The following FAF1 variants were observed in gnomAD, a reference collection of about 807,000 sequenced individuals.
FAF1 encodes the protein FAS-associated factor 1.
FAF1 carries 25 observed loss-of-function variants against 92.5 expected under a neutral mutation model. That is an observed-to-expected ratio of 0.27 (90% CI 0.20 to 0.38). The LOEUF is 0.38. Among genes scored for constraint, FAF1 ranks in the 10% least tolerant of loss-of-function variants. The pLI, the probability that FAF1 is intolerant of heterozygous loss-of-function variation, is 1.00. For missense variants in FAF1, 636 were observed against 793.3 expected (o/e 0.80, Z 2.38); for synonymous variants, 234 against 273.2 (o/e 0.86, Z 1.42).
chr1:50,614,918 T>C (rs190060547), intron 8 of FAF1, among the ~76,000 whole-genome samples: 16 of 152,298 alleles, frequency 1.1e-4, no homozygotes, highest in African/African-American at 3.8e-4. Context: ...TTTATTTTTA[T>C]TTTTTAAATT....
chr1:50,501,220 G>A (rs1346290100), intron 15 of FAF1, among the ~76,000 whole-genome samples: 1 of 152,140 alleles, frequency 6.6e-6, no homozygotes, highest in Non-Finnish European at 1.5e-5. Context: ...ATTTTAAAAT[G>A]GAGAAAAGAT....
intron 17 of FAF1, 100 bp downstream of exon 17, chr1:50,490,488 A>AG (rs1490068758): frequency 3.2e-6 from 2 of 628,078 alleles, no homozygotes; most frequent in African/African-American, 4.3e-5. Flanking sequence ...GAAGGAAGGA[A>AG]GGAAAGGAAG....
At chr1:50,539,324 A>G (rs1384819922) in intron 14 of FAF1, among the ~76,000 whole-genome samples, 3 of 152,260 alleles carry the variant, frequency 2.0e-5, no homozygotes, top group Admixed American at 6.5e-5. Flanking sequence ...CCTAATTGAT[A>G]GATTATACAA....
At chr1:50,833,208 C>G (rs1275119263) in intron 2 of FAF1, among the ~76,000 whole-genome samples, 1 of 152,148 alleles carries the variant, frequency 6.6e-6, no homozygotes, top group Non-Finnish European at 1.5e-5. Context: ...ATTAGGTCCC[C>G]TGGTTACCCA....
chr1:50,884,863 T>C (rs1224989318), intron 1 of FAF1, among the ~76,000 whole-genome samples: 1 of 152,166 alleles, frequency 6.6e-6, no homozygotes, highest in Admixed American at 6.5e-5. Flanking sequence ...CTTCTTTATG[T>C]ATATAGTAGA....
intron 1 of FAF1, among the ~76,000 whole-genome samples, chr1:50,909,694 T>A (rs1046630251): frequency 2.0e-5 from 3 of 152,234 alleles, no homozygotes; most frequent in Non-Finnish European, 4.4e-5. Flanking sequence ...GCATGCATCA[T>A]GTAGTTCTCA....
intron 15 of FAF1, among the ~76,000 whole-genome samples, chr1:50,525,133 G>A (rs560783313): frequency 4.6e-5 from 7 of 152,192 alleles, no homozygotes; most frequent in African/African-American, 1.4e-4. Flanking sequence ...TGATCCACCC[G>A]CCTCGGCCTC....
intron 7 of FAF1, among the ~76,000 whole-genome samples, chr1:50,675,775 A>G (rs1220141416): frequency 6.6e-6 from 1 of 152,252 alleles, no homozygotes; most frequent in Admixed American, 6.5e-5. Context: ...ACAGTCCTCT[A>G]AAAGTCATAT....
chr1:50,922,238 C>G (rs1280820703), intron 1 of FAF1, among the ~76,000 whole-genome samples: 1 of 151,472 alleles, frequency 6.6e-6, no homozygotes, highest in Non-Finnish European at 1.5e-5. Context: ...GCAGGCAGAT[C>G]ACCTGAGGTC....
rs145959438 is a variant in FAF1, at chr1:50,466,438, G to T, written c.1869+9026C>A. 9.8e-5 allele frequency among the ~76,000 whole-genome samples: 15 copies of T among 152,310 alleles called. No homozygotes were observed. The East Asian group carries it at 2.9e-3, about 29-fold the overall frequency. Reference sequence around the variant, plus strand: ...AAGTGGAGATACTGAGTAGATCGTTGTATGTAGAAATGTTTGGAGTTGAGG... The same window carrying T: ...AAGTGGAGATACTGAGTAGATCGTTTTATGTAGAAATGTTTGGAGTTGAGG... On this transcript the variant is annotated intron_variant, in intron 18 of 18. Coordinates refer to ENST00000396153, the MANE Select transcript of FAF1 (RefSeq NM_007051.3).
chr1:50,719,960 A>G (rs771066951), intron 6 of FAF1, among the ~76,000 whole-genome samples: 2 of 151,668 alleles, frequency 1.3e-5, no homozygotes, highest in African/African-American at 2.4e-5. Context: ...TCCAGAGTGC[A>G]TAACTTTTGG....
At chr1:50,825,692 C>T (rs1644090503) in intron 2 of FAF1, among the ~76,000 whole-genome samples, 3 of 151,984 alleles carry the variant, frequency 2.0e-5, no homozygotes. Context: ...ACAAAGATAA[C>T]TGGATCTAAC....
At chr1:50,955,264 T>C (rs1159635527) in intron 1 of FAF1, among the ~76,000 whole-genome samples, 5 of 152,202 alleles carry the variant, frequency 3.3e-5, no homozygotes. Context: ...CCTGAATGCA[T>C]CTCTTTGTTA....
chr1:50,674,590 C>T (rs1270837497), intron 7 of FAF1, among the ~76,000 whole-genome samples: 4 of 152,158 alleles, frequency 2.6e-5, no homozygotes, highest in Non-Finnish European at 4.4e-5. Flanking sequence ...TGAATATTGT[C>T]ATGCAGTCCA....
chr1:50,776,385 T>C (rs1660962096), intron 4 of FAF1, among the ~76,000 whole-genome samples: 1 of 152,200 alleles, frequency 6.6e-6, no homozygotes, highest in Non-Finnish European at 1.5e-5. Flanking sequence ...GATTATAGTT[T>C]TACCTTATTA....
intron 4 of FAF1, among the ~76,000 whole-genome samples, chr1:50,749,999 C>A (rs1430186322): frequency 6.6e-6 from 1 of 152,052 alleles, no homozygotes; most frequent in Non-Finnish European, 1.5e-5. Flanking sequence ...AGATAACATA[C>A]ACATAAGTGC....
chr1:50,846,691 T>C, intron 2 of FAF1: 1 of 583,328 alleles, frequency 1.7e-6, no homozygotes, highest in Admixed American at 1.9e-5. Context: ...CCACAACTGT[T>C]GAAAGCATGA....
intron 18 of FAF1, among the ~76,000 whole-genome samples, chr1:50,455,357 C>T (rs977688478): frequency 6.6e-6 from 1 of 152,226 alleles, no homozygotes; most frequent in African/African-American, 2.4e-5. Flanking sequence ...TAGCTGCCAC[C>T]TGATCCTAAG....
At chr1:50,834,288 T>C (rs550009892) in intron 2 of FAF1, among the ~76,000 whole-genome samples, 2 of 152,320 alleles carry the variant, frequency 1.3e-5, no homozygotes, top group Admixed American at 1.3e-4. Flanking sequence ...ATTTCGTTTC[T>C]TTATAAATTA....
Sources: allele counts gnomAD v4.1 joint callset (sites outside exome capture counted in the v4.1 genomes callset), GRCh38; gene constraint gnomAD v4.1.1; transcripts MANE v1.5; gene names NCBI Gene and HGNC (gene_info 2026-07-23, HGNC 2026-07-21).